Variants in SEMA6A observed in about 807,000 individuals in gnomAD.
The protein encoded by SEMA6A is semaphorin-6A.
A neutral mutation model predicts 96.8 loss-of-function variants in SEMA6A; 25 were observed. The ratio of observed to expected loss-of-function variants is 0.26; its 90% CI spans 0.19 to 0.36. SEMA6A has a LOEUF of 0.36. SEMA6A is among the 10% of genes least tolerant of loss of function. The pLI is 1.00. For synonymous variants in SEMA6A, 612 were observed against 518.0 expected, an observed-to-expected ratio of 1.18 and a Z score of -2.46; for missense variants, 1,363 against 1,323.1, an observed-to-expected ratio of 1.03 and a Z score of -0.47.
intron 1 of SEMA6A, among the ~76,000 whole-genome samples, chr5:116,511,594 C>T (rs969689979): frequency 2.6e-5 from 4 of 152,154 alleles, no homozygotes; most frequent in Non-Finnish European, 5.9e-5. Flanking sequence ...CTTATGTGGA[C>T]GAAGTGGCTG....
intron 18 of SEMA6A, among the ~76,000 whole-genome samples, chr5:116,452,478 G>T (rs1032845940): frequency 6.6e-6 from 1 of 151,350 alleles, no homozygotes; most frequent in Admixed American, 6.6e-5. Flanking sequence ...AGACCTCAGA[G>T]AGGAAATTTG....
At position 116,467,702 on chromosome 5, in the gene SEMA6A, G is replaced by T. The variant is rs778382299; in HGVS notation, c.1775C>A (p.Thr592Lys). The T allele has an allele frequency of 1.2e-6, 2 of 1,613,640 alleles. No homozygotes were observed. The highest frequency in any genetic ancestry group is 1.3e-5 in the African/African-American group (1 of 74,864). ...LLPSTTTSDS[T>K]AQEGYESRGG... ...CCTAGACTCATACCCCTCTTGAGCC[G>T]TCGAATCTGATGTGGTTGTGCTGGG... Residue 592 changes from threonine (T) to lysine (K), a missense_variant, in exon 18 of 19, where the codon ACG becomes AAG. By Grantham distance (78) the Thr-to-Lys change is moderately conservative. Coordinates refer to ENST00000343348, the MANE Select transcript of SEMA6A (RefSeq NM_020796.5).
At chr5:116,568,157 T>C (rs557620770) in intron 1 of SEMA6A, among the ~76,000 whole-genome samples, 1 of 152,302 alleles carries the variant, frequency 6.6e-6, no homozygotes, top group South Asian at 2.1e-4. Context: ...ATATCCAGGG[T>C]CCAGAGTGGG....
At chr5:116,458,516 A>AT (rs940362774) in intron 18 of SEMA6A, among the ~76,000 whole-genome samples, 1 of 152,108 alleles carries the variant, frequency 6.6e-6, no homozygotes, top group African/African-American at 2.4e-5. Flanking sequence ...AGGTGAATTG[A>AT]TTTTTTTAAT....
chr5:116,447,642 C>G lies in SEMA6A; in HGVS notation c.2064G>C (p.Glu688Asp). Residue 688 changes from glutamate to aspartate, a missense_variant, in exon 19 of 19, where the codon GAG becomes GAC. Coordinates refer to ENST00000343348, the MANE Select transcript of SEMA6A (RefSeq NM_020796.5). The part of the protein sequence containing the change: ...RKDVAVVQRK[E>D]KELTHSRRGS... ...CCCGGCGCGAGTGGGTGAGCTCCTT[C>G]TCCTTGCGCTGCACCACAGCCACGT... 1 of 1,614,046 alleles carries G rather than the reference C, an allele frequency of 6.2e-7. No individual in the cohort carries two copies. Among genetic ancestry groups the G allele is most frequent in the Non-Finnish European group, 8.5e-7 (1 of 1,179,902 alleles).
In SEMA6A at chr5:116,446,915, C is replaced by T. The variant is rs199858026; in HGVS notation, c.2791G>A (p.Ala931Thr). 3.7e-6 allele frequency: 6 copies of T among 1,613,846 alleles called. No homozygotes were observed. Among genetic ancestry groups the T allele is most frequent in the Middle Eastern group, 1.6e-4 (1 of 6,084 alleles). Reference sequence around the variant, plus strand: ...GTGTTGTTTCTTTTGAGAGTGGTGGCCTGGTGGCTTCTCGTGAGCGAGTTC... The same window carrying T: ...GTGTTGTTTCTTTTGAGAGTGGTGGTCTGGTGGCTTCTCGTGAGCGAGTTC... ...PTNSLTRSHQ[A>T]TTLKRNNTNS... Residue 931 changes from alanine (A) to threonine (T), a missense_variant, in exon 19 of 19, where the codon GCC becomes ACC. Physicochemically the swap from Ala to Thr is moderately conservative, Grantham distance 58. Around this residue, in one of 2 missense-constraint regions of SEMA6A, gnomAD observed 883 missense variants for 763.6 expected, o/e 1.16. Transcript: ENST00000343348.
intron 17 of SEMA6A, among the ~76,000 whole-genome samples, chr5:116,471,944 C>T (rs1756171167): frequency 6.6e-6 from 1 of 151,938 alleles, no homozygotes; most frequent in Non-Finnish European, 1.5e-5. Flanking sequence ...TTTCTCCCTC[C>T]CTTATTTACC....
intron 5 of SEMA6A, 83 bp from the exon 6 acceptor site, chr5:116,495,597 A>C (rs753743355): frequency 2.3e-5 from 24 of 1,043,792 alleles, no homozygotes; most frequent in Non-Finnish European, 3.4e-5. Flanking sequence ...GTTGGCTGAC[A>C]GTAAGGTTAA....
intron 17 of SEMA6A, among the ~76,000 whole-genome samples, chr5:116,470,849 T>C (rs1756085521): frequency 6.6e-6 from 1 of 152,234 alleles, no homozygotes; most frequent in Non-Finnish European, 1.5e-5. Context: ...CTTTTTACTT[T>C]GGAATTGGCT....
At chr5:116,504,817 G>A (rs1481026958) in intron 2 of SEMA6A, 28 bp downstream of exon 2, 3 of 1,507,920 alleles carry the variant, frequency 2.0e-6, no homozygotes, top group Admixed American at 1.9e-5. Context: ...CTCAAAGGGA[G>A]ACACTGAGTG....
At chr5:116,481,480 C>G (rs886374559) in intron 11 of SEMA6A, among the ~76,000 whole-genome samples, 1 of 152,108 alleles carries the variant, frequency 6.6e-6, no homozygotes, top group African/African-American at 2.4e-5. Context: ...ATGAGTTTCT[C>G]CTCTGGGTTT....
rs1475485914 is a variant in SEMA6A at position 116,478,807 on chromosome 5, T to C, written c.1251-89A>G. 5 of 1,278,328 alleles carry C rather than the reference T, an allele frequency of 3.9e-6. No individual in the cohort carries two copies. The African/African-American group carries it at 7.5e-5, about 19-fold the overall frequency. 79.2% of individuals were successfully genotyped at this position (1,278,328 alleles called of 1,614,324 possible). A position where few individuals can be genotyped will look rare whatever the true frequency, so the allele number is the denominator to read the frequency against. ...CACTTCAAACAGCTGCGACATAGCC[T>C]TCTAGTAATAACCTCAAGAAAAATA... On this transcript the variant is annotated intron_variant, in intron 12 of 18. Transcript: ENST00000343348.
chr5:116,467,255 C>T (rs907586523), intron 18 of SEMA6A, among the ~76,000 whole-genome samples: 7 of 152,048 alleles, frequency 4.6e-5, no homozygotes, highest in South Asian at 2.1e-4. Flanking sequence ...TGGGAAAAGA[C>T]GGTCCAAAAA....
At chr5:116,509,353 T>G (rs1168465106) in intron 1 of SEMA6A, among the ~76,000 whole-genome samples, 1 of 152,200 alleles carries the variant, frequency 6.6e-6, no homozygotes, top group Non-Finnish European at 1.5e-5. Context: ...TTTCAGTAAT[T>G]CTTTTAAAAA....
intron 3 of SEMA6A, among the ~76,000 whole-genome samples, chr5:116,500,368 C>T (rs76094523): frequency 2.5e-3 from 375 of 152,294 alleles, no homozygotes; most frequent in Non-Finnish European, 4.5e-3. Flanking sequence ...CCCTTGGATT[C>T]CTCCTATAAG....
intron 1 of SEMA6A, among the ~76,000 whole-genome samples, chr5:116,505,748 G>A (rs1282830494): frequency 6.6e-6 from 1 of 151,926 alleles, no homozygotes; most frequent in Non-Finnish European, 1.5e-5. Context: ...CAGTGAAATC[G>A]TAGTGAATAA....
At chr5:116,563,027 C>A in intron 1 of SEMA6A, 1 of 485,002 alleles carries the variant, frequency 2.1e-6, no homozygotes, top group South Asian at 1.7e-5. Flanking sequence ...AGACAAGACT[C>A]CTCAAAATAT....
At chr5:116,460,785 T>C (rs1294677755) in intron 18 of SEMA6A, among the ~76,000 whole-genome samples, 1 of 6,566 alleles carries the variant, frequency 1.5e-4, no homozygotes, top group South Asian at 3.7e-3. Context: ...GTTAATCTCT[T>C]TTTTTTTTTT....
rs1754220739 is a variant in SEMA6A at position 116,446,549 on chromosome 5, TGCTGA to T, written c.*59_*63del. Reference sequence around the variant, plus strand: ...GGGTACTCGAGGCAGTTGAGAACCTTGCTGAGCTGAGCGGGCACCTCGCCTTGCCT... The same window carrying T: ...GGGTACTCGAGGCAGTTGAGAACCTTGCTGAGCGGGCACCTCGCCTTGCCT... On this transcript the variant is annotated 3_prime_UTR_variant, in exon 19 of 19. Transcript: ENST00000343348. The T allele has an allele frequency of 7.3e-7, 1 of 1,374,714 alleles. No homozygotes were observed. Among genetic ancestry groups the T allele is most frequent in the Non-Finnish European group, 9.7e-7 (1 of 1,030,938 alleles). The allele number at this position is 1,374,714 out of a possible 1,614,324, so 85.2% of individuals were successfully genotyped here. A position where few individuals can be genotyped will look rare whatever the true frequency, so the allele number is the denominator to read the frequency against.
Sources: gnomAD v4.1 joint callset for allele counts (sites outside exome capture counted in the v4.1 genomes callset) on GRCh38, gnomAD v4.1.1 for gene constraint, gnomAD v4.1.1 regional missense constraint, MANE v1.5 for transcripts, NCBI Gene and HGNC (gene_info 2026-07-23, HGNC 2026-07-21) for gene names.